Variants in SAMD12 observed in about 807,000 individuals in gnomAD.
SAMD12 encodes sterile alpha motif domain containing 12, also known as sterile alpha motif domain-containing protein 12.
In SAMD12, 9 loss-of-function variants were observed where a neutral mutation model predicts 15.0. The ratio of observed to expected loss-of-function variants is 0.60; its 90% confidence interval spans 0.36 to 1.05. The LOEUF (loss-of-function observed/expected upper bound fraction) is 1.05, where lower values mean the gene tolerates loss of function less well. Ranked by LOEUF, SAMD12 falls within the 50% of genes least tolerant of loss-of-function variation. The pLI is 0.01. For missense variants in SAMD12, 230 were observed against 234.2 expected (o/e 0.98, Z 0.12); for synonymous variants, 86 against 90.1 (o/e 0.96, Z 0.25).
chr8:118,580,714 C>T lies in SAMD12; in HGVS notation c.192+1G>A, dbSNP rs763059316. On this transcript the variant is annotated splice_donor_variant, in intron 2 of 3. Transcript: ENST00000314727. LOFTEE classifies it high-confidence loss of function. ...CCGTAATTAACTGGAATATTACGCA[C>T]CTTAGCCGTCTCAGCTTCTGCCTGC... 4 of 1,610,874 alleles carry T rather than the reference C, an allele frequency of 2.5e-6. No individual in the cohort carries two copies. The highest frequency in any genetic ancestry group is 1.7e-5 in the Admixed American group (1 of 59,876).
chr8:118,313,094 G>A (rs1738319581), intron 4 of SAMD12, among the ~76,000 whole-genome samples: 1 of 152,094 alleles, frequency 6.6e-6, no homozygotes, highest in Admixed American at 6.6e-5. Context: ...AGAGCCACTG[G>A]TACAAAACCA....
intron 2 of SAMD12, among the ~76,000 whole-genome samples, chr8:118,538,085 C>T (rs1371587992): frequency 6.6e-6 from 1 of 152,162 alleles, no homozygotes; most frequent in Non-Finnish European, 1.5e-5. Flanking sequence ...GAGTAAAATC[C>T]AGAAGAATTC....
At chr8:118,481,229 A>G (rs544581178) in intron 2 of SAMD12, among the ~76,000 whole-genome samples, 133 of 152,286 alleles carry the variant, frequency 8.7e-4, no homozygotes, top group African/African-American at 3.1e-3. Context: ...TGCTAAGATT[A>G]CAGGTGTGAG....
intron 4 of SAMD12, among the ~76,000 whole-genome samples, chr8:118,234,188 A>G (rs1270367479): frequency 6.6e-6 from 1 of 152,134 alleles, no homozygotes; most frequent in Non-Finnish European, 1.5e-5. Flanking sequence ...GGTGAAGACT[A>G]CATGAAAAAG....
At position 118,460,538 on chromosome 8, in the gene SAMD12, T is replaced by C. The variant is rs143126527; in HGVS notation, c.193-20577A>G. Among the ~76,000 whole-genome samples, 285 of 152,270 alleles carry C rather than the reference T, an allele frequency of 1.9e-3. 1 individual carries two copies. Among genetic ancestry groups the C allele is most frequent in the Middle Eastern group, 6.8e-3 (2 of 294 alleles). ...CAAACCTACTGTCTGCACAAGTGAA[T>C]GTGAAATGCAGACATGGAATCAGGG... On this transcript the variant is annotated intron_variant, in intron 2 of 3. Transcript: ENST00000314727.
At chr8:118,588,236 G>A (rs1286764250) in intron 1 of SAMD12, among the ~76,000 whole-genome samples, 1 of 152,076 alleles carries the variant, frequency 6.6e-6, no homozygotes, top group Non-Finnish European at 1.5e-5. Context: ...TTAATGTGTT[G>A]ACATAAAAAT....
At chr8:118,453,145 T>C (rs1433676093) in intron 2 of SAMD12, among the ~76,000 whole-genome samples, 2 of 152,230 alleles carry the variant, frequency 1.3e-5, no homozygotes, top group Non-Finnish European at 2.9e-5. Flanking sequence ...TCTGACCTTC[T>C]GTCATCTACA....
intron 3 of SAMD12, among the ~76,000 whole-genome samples, chr8:118,387,022 G>T (rs1416480920): frequency 6.6e-6 from 1 of 152,186 alleles, no homozygotes; most frequent in African/African-American, 2.4e-5. Flanking sequence ...CACTGGGTTA[G>T]CTCCAAAACT....
At chr8:118,392,413 G>T (rs2130758740) in intron 3 of SAMD12, among the ~76,000 whole-genome samples, 1 of 152,302 alleles carries the variant, frequency 6.6e-6, no homozygotes, top group Non-Finnish European at 1.5e-5. Flanking sequence ...CCTGGCGACA[G>T]AACGAGACTC....
At chr8:118,352,335 A>G (rs1438128151) in intron 4 of SAMD12, among the ~76,000 whole-genome samples, 3 of 152,198 alleles carry the variant, frequency 2.0e-5, no homozygotes, top group African/African-American at 7.2e-5. Flanking sequence ...ATGGTTGTAG[A>G]TCAGTAAGAC....
intron 3 of SAMD12, among the ~76,000 whole-genome samples, chr8:118,415,694 CTATGG>C (rs1281949345): frequency 7.9e-5 from 12 of 152,158 alleles, no homozygotes; most frequent in South Asian, 2.1e-4. Context: ...TCCTTGTAGT[CTATGG>C]TCTTAAGTAA....
intron 4 of SAMD12, among the ~76,000 whole-genome samples, chr8:118,281,107 T>C (rs1813629428): frequency 6.6e-6 from 1 of 152,240 alleles, no homozygotes; most frequent in Non-Finnish European, 1.5e-5. Context: ...ATTTCTCTTT[T>C]AGAAATATGG....
chr8:118,583,207 T>C (rs1444732823), intron 1 of SAMD12, among the ~76,000 whole-genome samples: 1 of 152,186 alleles, frequency 6.6e-6, no homozygotes, highest in Non-Finnish European at 1.5e-5. Context: ...AACAGGGCTG[T>C]AGCAGAATGG....
Position 118,584,922 on chromosome 8 carries a change from T to TACAC in SAMD12, c.14-4033_14-4030dup, listed in dbSNP as rs141290440. Among the ~76,000 whole-genome samples the TACAC allele has an allele frequency of 3.2e-3, 475 of 147,068 alleles. 2 individuals are homozygous for TACAC. Among genetic ancestry groups the TACAC allele is most frequent in the Non-Finnish European group, 4.8e-3 (323 of 66,628 alleles). ...AATCCAACAATTCAACTTGTAGGTATACACACACACACACACACACACACA... is the reference window on the plus strand; with the variant it reads ...AATCCAACAATTCAACTTGTAGGTATACACACACACACACACACACACACACACA... On this transcript the variant is annotated intron_variant, in intron 1 of 3. Transcript: ENST00000314727.
intron 3 of SAMD12, among the ~76,000 whole-genome samples, chr8:118,411,109 T>C (rs1258380269): frequency 6.6e-6 from 1 of 152,208 alleles, no homozygotes; most frequent in African/African-American, 2.4e-5. Context: ...AAACATAAAA[T>C]GTGCTAATGA....
At chr8:118,376,780 G>T (rs948148755), downstream of SAMD12, among the ~76,000 whole-genome samples, 4 of 152,086 alleles carry the variant, frequency 2.6e-5, no homozygotes, top group African/African-American at 9.7e-5. Context: ...TACTTATTCA[G>T]CATATTGTTT....
chr8:118,355,236 C>T lies in SAMD12; in HGVS notation c.433+24324G>A, dbSNP rs545762636. 6.6e-5 allele frequency among the ~76,000 whole-genome samples: 10 copies of T among 152,272 alleles called. No individual in the cohort carries two copies. In the East Asian group the frequency reaches 1.2e-3, roughly 18 times the overall value. On this transcript the variant is annotated intron_variant, in intron 4 of 4. Coordinates refer to the SAMD12 transcript ENST00000409003. Reference sequence around the variant, plus strand: ...TAAAAAGGAATGAATTAATGGCATTCGCAGCAAGATGGAACTGGAGACTAT... The same window carrying T: ...TAAAAAGGAATGAATTAATGGCATTTGCAGCAAGATGGAACTGGAGACTAT...
At chr8:118,522,005 C>A (rs1825400025) in intron 2 of SAMD12, among the ~76,000 whole-genome samples, 1 of 152,054 alleles carries the variant, frequency 6.6e-6, no homozygotes, top group African/African-American at 2.4e-5. Flanking sequence ...TTAACAAGGT[C>A]CCTATCCTAT....
the SAMD12 span, among the ~76,000 whole-genome samples, chr8:118,167,688 A>G: frequency 1.3e-5 from 2 of 152,280 alleles, no homozygotes; most frequent in Middle Eastern, 3.4e-3. Flanking sequence ...GACAGCAGCC[A>G]ATCCAAGATG....
Sources: gnomAD v4.1 joint callset for allele counts (sites outside exome capture counted in the v4.1 genomes callset) on GRCh38, gnomAD v4.1.1 for gene constraint, MANE v1.5 for transcripts, NCBI Gene and HGNC (gene_info 2026-07-23, HGNC 2026-07-21) for gene names.